Variants in CELF4 observed in about 807,000 individuals in gnomAD.
CELF4 encodes the protein CUGBP Elav-like family member 4.
In CELF4, 18 loss-of-function variants were observed where a neutral mutation model predicts 59.9. That is an observed-to-expected ratio of 0.30 (90% CI 0.21 to 0.45). The LOEUF (loss-of-function observed/expected upper bound fraction) is 0.45. CELF4 is among the 20% of genes least tolerant of loss of function. CELF4 has a pLI of 1.00. For missense variants in CELF4, 456 were observed against 689.0 expected, an observed-to-expected ratio of 0.66 and a Z score of 3.79; for synonymous variants, 261 against 267.1, an observed-to-expected ratio of 0.98 and a Z score of 0.22.
chr18:37,458,837 CTGT>C (rs1306422241), intron 2 of CELF4, among the ~76,000 whole-genome samples: 4 of 152,168 alleles, frequency 2.6e-5, no homozygotes, highest in Admixed American at 1.3e-4. Context: ...TTTGTGGAGC[CTGT>C]TGTTTGCAGA....
rs750297283 is a variant in CELF4, at chr18:37,275,115, C to T, written c.577G>A (p.Gly193Arg). Residue 193 changes from glycine to arginine, a missense_variant and splice_region_variant, in exon 4 of 13, where the codon GGG becomes AGG. Gly to Arg is a moderately radical substitution (Grantham distance 125). Around this residue, in one of 7 missense-constraint regions of CELF4, gnomAD observed 56 missense variants for 92.0 expected, o/e 0.61. Coordinates refer to ENST00000420428, the MANE Select transcript of CELF4 (RefSeq NM_020180.4). Reference sequence around the variant, plus strand: ...TCCCTCCCGGCCCCGCCCCGCGCACCCTTGCTGTTGCCGTCGGGCCCGCGC... The same window carrying T: ...TCCCTCCCGGCCCCGCCCCGCGCACTCTTGCTGTTGCCGTCGGGCCCGCGC... ...ILRGPDGNSK[G>R]CAFVKYSSHA... 1 of 1,613,042 alleles carries T rather than the reference C, an allele frequency of 6.2e-7. No individual in the cohort carries two copies. Among genetic ancestry groups the T allele is most frequent in the African/African-American group, 1.3e-5 (1 of 74,914 alleles).
At chr18:37,501,884 CCT>C (rs1467400727) in intron 1 of CELF4, among the ~76,000 whole-genome samples, 1 of 152,348 alleles carries the variant, frequency 6.6e-6, no homozygotes, top group South Asian at 2.1e-4. Context: ...TCCTTCCATT[CCT>C]CTCTTTCTCT....
intron 3 of CELF4, among the ~76,000 whole-genome samples, chr18:37,286,575 G>A (rs1034073855): frequency 5.9e-5 from 9 of 152,270 alleles, no homozygotes; most frequent in South Asian, 2.1e-4. Flanking sequence ...CCCACAGCCC[G>A]TTTTTAATAT....
rs1425859334 is a variant in CELF4 at position 37,244,026 on chromosome 18, G to A, written c.*1216C>T. 6 of 160,312 alleles carry A rather than the reference G, an allele frequency of 3.7e-5. No individual in the cohort carries two copies. The highest frequency in any genetic ancestry group is 1.4e-4 in the African/African-American group (6 of 41,600). 9.9% of individuals were successfully genotyped at this position (160,312 alleles called of 1,614,324 possible). ...GTGGGGCGAGTTCGGCCTGGCCCTT[G>A]GGGACAACGGCATCCGACTGCACTC... On this transcript the variant is annotated 3_prime_UTR_variant, in exon 13 of 13. Coordinates refer to ENST00000420428, the MANE Select transcript of CELF4 (RefSeq NM_020180.4).
At chr18:37,432,237 G>A (rs1467355836) in intron 2 of CELF4, among the ~76,000 whole-genome samples, 2 of 152,218 alleles carry the variant, frequency 1.3e-5, no homozygotes, top group African/African-American at 4.8e-5. Flanking sequence ...TGCAGCAGAA[G>A]GGGTGCTGTT....
At chr18:37,447,936 G>C (rs1280177064) in intron 2 of CELF4, among the ~76,000 whole-genome samples, 1 of 152,058 alleles carries the variant, frequency 6.6e-6, no homozygotes. Context: ...CTCTCCTCCG[G>C]GGCCATCCAG....
intron 7 of CELF4, among the ~76,000 whole-genome samples, chr18:37,272,436 A>T (rs2091685440): frequency 6.6e-6 from 1 of 152,186 alleles, no homozygotes; most frequent in Non-Finnish European, 1.5e-5. Flanking sequence ...AATAGCCAAG[A>T]TTCAATCAAA....
At chr18:37,301,903 C>T (rs1446150228) in intron 3 of CELF4, among the ~76,000 whole-genome samples, 2 of 152,144 alleles carry the variant, frequency 1.3e-5, no homozygotes, top group East Asian at 3.9e-4. Flanking sequence ...CATGGCATGC[C>T]ATGCCACCCA....
rs574575304 is a variant in CELF4 at position 37,498,452 on chromosome 18, C to T, written c.287-12845G>A. 4.5e-3 allele frequency among the ~76,000 whole-genome samples: 652 copies of T among 143,650 alleles called. 5 individuals carry two copies. The highest frequency in any genetic ancestry group is 0.016 in the African/African-American group (609 of 38,572). The allele number at this position is 143,650 out of a possible 152,430, so 94.2% of individuals were successfully genotyped here. ...CCCCTCCCTTCCCCTTTCTTCCCCT[C>T]CCCTCCTCTTCCCTTCCTTTTCTCT... is the stretch of plus-strand genomic sequence containing the variant. On this transcript the variant is annotated intron_variant, in intron 1 of 12. Transcript: ENST00000420428.
intron 1 of CELF4, among the ~76,000 whole-genome samples, chr18:37,487,706 C>A: frequency 6.6e-6 from 1 of 152,146 alleles, no homozygotes; most frequent in East Asian, 1.9e-4. Flanking sequence ...GCAGGCAAGC[C>A]AGCTTGGGAC....
Position 37,538,628 on chromosome 18 carries a change from T to G in CELF4, c.286+26728A>C, listed in dbSNP as rs2099975473. ...ACTAGTGATTCCCTCAGGTGCCTCC[T>G]CTGCTCTGATTCTTTTTCATTCCAA... On this transcript the variant is annotated intron_variant, in intron 1 of 12. Transcript: ENST00000420428. 2.0e-5 allele frequency among the ~76,000 whole-genome samples: 3 copies of G among 152,222 alleles called. No individual in the cohort carries two copies. In the South Asian group the frequency reaches 6.2e-4, roughly 32 times the overall value.
intron 2 of CELF4, among the ~76,000 whole-genome samples, chr18:37,404,697 G>A (rs564423610): frequency 1.3e-5 from 2 of 152,330 alleles, no homozygotes; most frequent in Admixed American, 1.3e-4. Context: ...CCCCAAGAAA[G>A]CAGAGAGCCA....
At chr18:37,408,504 C>CG (rs1228865773) in intron 2 of CELF4, among the ~76,000 whole-genome samples, 5 of 45,034 alleles carry the variant, frequency 1.1e-4, no homozygotes, top group African/African-American at 3.6e-4. Context: ...GGGGGGGGCG[C>CG]GGTGCAGGAG....
At chr18:37,306,774 G>T (rs1012826796) in intron 3 of CELF4, among the ~76,000 whole-genome samples, 1 of 152,158 alleles carries the variant, frequency 6.6e-6, no homozygotes. Flanking sequence ...TTCCCATGGG[G>T]CCCAGCGCTG....
intron 2 of CELF4, among the ~76,000 whole-genome samples, chr18:37,376,486 G>C (rs372823062): frequency 9.9e-4 from 150 of 152,194 alleles, no homozygotes; most frequent in African/African-American, 3.4e-3. Flanking sequence ...CTCTCTCCTG[G>C]GTGTGCTCCC....
intron 2 of CELF4, among the ~76,000 whole-genome samples, chr18:37,376,274 C>T (rs375737589): frequency 9.3e-4 from 141 of 152,292 alleles, no homozygotes; most frequent in African/African-American, 2.9e-3. Context: ...AGGCCAACTA[C>T]CTTCCTCTGG....
intron 2 of CELF4, among the ~76,000 whole-genome samples, chr18:37,425,583 G>A (rs765921345): frequency 1.3e-5 from 2 of 152,242 alleles, no homozygotes; most frequent in Non-Finnish European, 2.9e-5. Flanking sequence ...AGAGTGCACT[G>A]CCTTTCTATT....
intron 3 of CELF4, among the ~76,000 whole-genome samples, chr18:37,311,255 C>T (rs1189771326): frequency 1.3e-5 from 2 of 152,174 alleles, no homozygotes; most frequent in Admixed American, 6.5e-5. Context: ...ATTATATTTT[C>T]GCACCTATGG....
rs1368309685 is a variant in CELF4, at chr18:37,513,427, G to T, written c.287-27820C>A. On this transcript the variant is annotated intron_variant, in intron 1 of 12. Transcript: ENST00000420428. ...TTACAGGCTCCTCTGTGTCCAGCAG[G>T]TGTTCAGCAAATGTGTGTCCATGGA... Among the ~76,000 whole-genome samples, 3 of 152,178 alleles carry T rather than the reference G, an allele frequency of 2.0e-5. No individual in the cohort carries two copies. In the East Asian group the frequency reaches 5.8e-4, roughly 29 times the overall value.
Sources: gnomAD v4.1 joint callset for allele counts (sites outside exome capture counted in the v4.1 genomes callset) on GRCh38, gnomAD v4.1.1 for gene constraint, gnomAD v4.1.1 regional missense constraint, MANE v1.5 for transcripts, NCBI Gene and HGNC (gene_info 2026-07-23, HGNC 2026-07-21) for gene names.